Variants in CNTN6 observed in about 807,000 individuals in gnomAD.
The protein encoded by CNTN6 is contactin 6, also known as contactin-6.
CNTN6 carries 137 observed loss-of-function variants against 122.8 expected under a neutral mutation model. The observed-to-expected ratio is 1.12, with a 90% CI of 0.97 to 1.29. The LOEUF is 1.29. Ranked by LOEUF, CNTN6 falls within the 50% of genes most tolerant of loss-of-function variation. The pLI is 0.00. For missense variants in CNTN6, 1,634 were observed against 1,223.4 expected (o/e 1.34, Z -5.01); for synonymous variants, 570 against 426.0 (o/e 1.34, Z -4.16).
At chr3:1,218,099 G>C (rs1222254809) in intron 2 of CNTN6, among the ~76,000 whole-genome samples, 6 of 152,146 alleles carry the variant, frequency 3.9e-5, no homozygotes, top group African/African-American at 1.4e-4. Context: ...AGAGGCGAGA[G>C]AGGCATCCAT....
chr3:1,136,465 G>A (rs1179479150), intron 1 of CNTN6, among the ~76,000 whole-genome samples: 1 of 152,150 alleles, frequency 6.6e-6, no homozygotes, highest in Non-Finnish European at 1.5e-5. Flanking sequence ...CTGTCTTCAA[G>A]TTCTGTAATG....
chr3:1,355,747 A>C (rs1706444171), intron 12 of CNTN6, among the ~76,000 whole-genome samples: 1 of 151,778 alleles, frequency 6.6e-6, no homozygotes, highest in Non-Finnish European at 1.5e-5. Flanking sequence ...AAGCTGATAA[A>C]ACAATCATCT....
chr3:1,241,806 G>T (rs1260967316), intron 4 of CNTN6, among the ~76,000 whole-genome samples: 2 of 152,238 alleles, frequency 1.3e-5, no homozygotes. Context: ...GACAACTGCA[G>T]CTAAAGAGTC....
intron 1 of CNTN6, among the ~76,000 whole-genome samples, chr3:1,097,363 G>A (rs2090585428): frequency 6.6e-6 from 1 of 151,976 alleles, no homozygotes; most frequent in Non-Finnish European, 1.5e-5. Context: ...TATGTATTAG[G>A]TTTACAATTA....
At position 1,288,817 on chromosome 3, in the gene CNTN6, G is replaced by A. The variant is rs567764055; in HGVS notation, c.455-6784G>A. On this transcript the variant is annotated intron_variant, in intron 5 of 22. Transcript: ENST00000446702. ...TACAAGATATAGGGCTGTAAAAGAT[G>A]TCAAAACATAATCACACTCTGGGGA... Among the ~76,000 whole-genome samples the A allele has an allele frequency of 3.9e-4, 60 of 152,272 alleles. 4 individuals carry two copies. The South Asian group carries it at 0.01, about 26-fold the overall frequency.
At chr3:1,394,156 A>C (rs958956127) in intron 20 of CNTN6, 6 of 190,480 alleles carry the variant, frequency 3.1e-5, no homozygotes, top group African/African-American at 9.6e-5. Flanking sequence ...TCAGCTACAT[A>C]GGAGAACTGC....
chr3:1,320,499 C>G (rs975498898), intron 7 of CNTN6, among the ~76,000 whole-genome samples: 1 of 151,684 alleles, frequency 6.6e-6, no homozygotes, highest in Non-Finnish European at 1.5e-5. Context: ...GTTGGATGAG[C>G]CTCCCACATT....
chr3:1,338,479 C>T (rs1393190114), intron 11 of CNTN6, among the ~76,000 whole-genome samples: 1 of 152,130 alleles, frequency 6.6e-6, no homozygotes. Flanking sequence ...TTGGTGCACA[C>T]ATATCTACTT....
rs570809886 is a variant in CNTN6, at chr3:1,209,038, C to T, written c.56-11649C>T. On this transcript the variant is annotated intron_variant, in intron 2 of 22. Coordinates refer to ENST00000446702, the MANE Select transcript of CNTN6 (RefSeq NM_001289080.2). The stretch of plus-strand genomic sequence containing the variant: ...GAATTTTATTTTGGTCTGGCTTTAA[C>T]CTAAAGAGATCAACAGAATGTGAAA... Among the ~76,000 whole-genome samples, 5 of 152,118 alleles carry T rather than the reference C, an allele frequency of 3.3e-5. No homozygotes were observed. The East Asian group carries it at 5.8e-4, about 18-fold the overall frequency.
intron 3 of CNTN6, among the ~76,000 whole-genome samples, chr3:1,227,183 G>C (rs1302978146): frequency 6.6e-6 from 1 of 152,136 alleles, no homozygotes; most frequent in Non-Finnish European, 1.5e-5. Flanking sequence ...TAAGCCAAGA[G>C]AATTTTTGCT....
At chr3:1,195,580 T>C (rs2093765141) in intron 2 of CNTN6, among the ~76,000 whole-genome samples, 1 of 152,218 alleles carries the variant, frequency 6.6e-6, no homozygotes. Flanking sequence ...TCTGGGTCTA[T>C]ACAGACATCT....
chr3:1,134,663 A>C (rs1354872238), intron 1 of CNTN6, among the ~76,000 whole-genome samples: 2 of 152,042 alleles, frequency 1.3e-5, no homozygotes, highest in East Asian at 3.9e-4. Flanking sequence ...AATCTCCCTG[A>C]ACCTGAGTTT....
At chr3:1,305,035 C>G (rs1698128652) in intron 7 of CNTN6, among the ~76,000 whole-genome samples, 1 of 144,404 alleles carries the variant, frequency 6.9e-6, no homozygotes, top group Non-Finnish European at 1.5e-5. Context: ...TGTAAAAATT[C>G]AAGCTGTGTT....
At chr3:1,131,768 A>G (rs975404185) in intron 1 of CNTN6, among the ~76,000 whole-genome samples, 5 of 152,144 alleles carry the variant, frequency 3.3e-5, no homozygotes, top group Admixed American at 6.6e-5. Flanking sequence ...TGCCTTTTCT[A>G]TCTTCTGTTA....
intron 12 of CNTN6, among the ~76,000 whole-genome samples, chr3:1,370,591 C>T (rs1708873389): frequency 6.6e-6 from 1 of 152,114 alleles, no homozygotes; most frequent in Admixed American, 6.6e-5. Context: ...TGATTAACGC[C>T]TGTAATCTCA....
intron 4 of CNTN6, among the ~76,000 whole-genome samples, chr3:1,251,512 C>T (rs1046026041): frequency 6.6e-6 from 1 of 152,206 alleles, no homozygotes; most frequent in Admixed American, 6.5e-5. Flanking sequence ...GATTCACTTT[C>T]ACTTTCCCCC....
chr3:1,340,149 T>C (rs1703676843), intron 11 of CNTN6, among the ~76,000 whole-genome samples: 1 of 152,144 alleles, frequency 6.6e-6, no homozygotes, highest in East Asian at 1.9e-4. Flanking sequence ...AAACATTCAG[T>C]TCTGAGAAGC....
chr3:1,117,955 T>C (rs1346036444), intron 1 of CNTN6, among the ~76,000 whole-genome samples: 2 of 152,092 alleles, frequency 1.3e-5, no homozygotes, highest in Admixed American at 1.3e-4. Context: ...TTTTCTCCCT[T>C]CCCTGTCTCA....
intron 4 of CNTN6, among the ~76,000 whole-genome samples, chr3:1,251,311 T>G (rs1258065677): frequency 6.6e-6 from 1 of 152,178 alleles, no homozygotes; most frequent in African/African-American, 2.4e-5. Context: ...TTTGACTGTC[T>G]GACTCACTCT....
Sources: gnomAD v4.1 joint callset for allele counts (sites outside exome capture counted in the v4.1 genomes callset) on GRCh38, gnomAD v4.1.1 for gene constraint, MANE v1.5 for transcripts, NCBI Gene and HGNC (gene_info 2026-07-23, HGNC 2026-07-21) for gene names.